Variants in SCLT1 observed in about 807,000 individuals in gnomAD.
The protein encoded by SCLT1 is sodium channel and clathrin linker 1.
Under a neutral mutation model 112.8 loss-of-function variants are expected in SCLT1, and 78 were observed. That is an observed-to-expected ratio of 0.69 (90% CI 0.58 to 0.83). SCLT1 has a LOEUF of 0.83. Ranked by LOEUF, SCLT1 falls within the 40% of genes least tolerant of loss-of-function variation. SCLT1 has a pLI of 0.00. For missense variants in SCLT1, 747 were observed against 770.4 expected, an observed-to-expected ratio of 0.97 and a Z score of 0.36; for synonymous variants, 257 against 254.7, an observed-to-expected ratio of 1.01 and a Z score of -0.09.
chr4:129,060,747 C>A (rs908209171), intron 2 of SCLT1, among the ~76,000 whole-genome samples: 1 of 152,114 alleles, frequency 6.6e-6, no homozygotes, highest in East Asian at 1.9e-4. Context: ...TCAAGAGGAT[C>A]CCTGTTGTTC....
rs1430499256 is a variant in SCLT1, at chr4:128,992,271, A to C, written c.616-34T>G. ...AGAAAAAAAAAGAATCAGTATTAGAATATTTAATAACTGTATCTTTAAAGA... is the reference window on the plus strand; with the variant it reads ...AGAAAAAAAAAGAATCAGTATTAGACTATTTAATAACTGTATCTTTAAAGA... On this transcript the variant is annotated intron_variant, in intron 8 of 20. Transcript: ENST00000281142. The C allele has an allele frequency of 3.0e-6, 4 of 1,329,614 alleles. No homozygotes were observed. The Admixed American group carries it at 5.8e-5, about 19-fold the overall frequency. The allele number at this position is 1,329,614 out of a possible 1,614,324, so 82.4% of individuals were successfully genotyped here. A position where few individuals can be genotyped will look rare whatever the true frequency, so the allele number is the denominator to read the frequency against.
At chr4:128,941,906 T>TC (rs1216318682) in intron 17 of SCLT1, among the ~76,000 whole-genome samples, 1 of 152,038 alleles carries the variant, frequency 6.6e-6, no homozygotes, top group Non-Finnish European at 1.5e-5. Context: ...AAGCCAGTTT[T>TC]CCCCCCACTG....
intron 18 of SCLT1, among the ~76,000 whole-genome samples, chr4:128,906,440 C>T (rs920124571): frequency 4.6e-5 from 7 of 152,010 alleles, no homozygotes; most frequent in African/African-American, 1.2e-4. Flanking sequence ...CCTCGTGATC[C>T]GCCCGCTTCG....
rs116544533 is a variant in SCLT1, at chr4:129,083,275, C to T, written c.35-902G>A. Among the ~76,000 whole-genome samples, 743 of 146,526 alleles carry T rather than the reference C, an allele frequency of 5.1e-3. 6 individuals carry two copies. Among genetic ancestry groups the T allele is most frequent in the African/African-American group, 0.017 (700 of 40,014 alleles). On this transcript the variant is annotated intron_variant, in intron 1 of 20. Coordinates refer to ENST00000281142, the MANE Select transcript of SCLT1 (RefSeq NM_144643.4). ...CTTTTATTTACATCAAGAAAAGTAA[C>T]ATACATACAACATAGTACCCAACAA...
rs942601049 is a variant in SCLT1, at chr4:128,911,159, G to A, written c.1830-20022C>T. 9.9e-5 allele frequency among the ~76,000 whole-genome samples: 15 copies of A among 152,082 alleles called. No homozygotes were observed. In the South Asian group the frequency reaches 1.2e-3, roughly 13 times the overall value. ...CAGGAGCCTGTAATCCCAGCTACTC[G>A]GGAGGCTAAGGCAGGAGAATCGCTT... On this transcript the variant is annotated intron_variant, in intron 18 of 20. Transcript: ENST00000281142.
At chr4:128,958,302 C>A (rs1739380714) in intron 12 of SCLT1, among the ~76,000 whole-genome samples, 1 of 152,082 alleles carries the variant, frequency 6.6e-6, no homozygotes, top group Non-Finnish European at 1.5e-5. Flanking sequence ...TATGTAATAA[C>A]CTTGAGGGGG....
chr4:129,060,064 C>T (rs1749815271), intron 2 of SCLT1, among the ~76,000 whole-genome samples: 2 of 152,096 alleles, frequency 1.3e-5, no homozygotes, highest in South Asian at 4.1e-4. Flanking sequence ...ATATTTCAAA[C>T]AACCCGTCTT....
chr4:129,043,568 T>C (rs1579821665), intron 3 of SCLT1, 101 bp from the exon 4 acceptor site: 1 of 592,692 alleles, frequency 1.7e-6, no homozygotes, highest in East Asian at 3.1e-5. Flanking sequence ...ATGTTTAGTT[T>C]ACTCATGCAA....
chr4:129,055,490 C>T (rs1293823313), intron 2 of SCLT1, among the ~76,000 whole-genome samples: 1 of 152,168 alleles, frequency 6.6e-6, no homozygotes, highest in Non-Finnish European at 1.5e-5. Context: ...GAACATGAAT[C>T]TAGAGAGGCA....
chr4:129,024,269 C>T (rs1745793939), intron 5 of SCLT1, among the ~76,000 whole-genome samples: 3 of 152,202 alleles, frequency 2.0e-5, no homozygotes, highest in Non-Finnish European at 4.4e-5. Flanking sequence ...GACCCCTGAC[C>T]CCTGAGCAGC....
At chr4:129,061,514 G>A (rs1749973959) in intron 2 of SCLT1, among the ~76,000 whole-genome samples, 1 of 152,164 alleles carries the variant, frequency 6.6e-6, no homozygotes, top group Non-Finnish European at 1.5e-5. Flanking sequence ...GGGACAATGA[G>A]CATTCTGAGT....
intron 5 of SCLT1, among the ~76,000 whole-genome samples, chr4:129,008,505 C>G (rs186297487): frequency 2.3e-4 from 35 of 152,252 alleles, no homozygotes; most frequent in East Asian, 2.1e-3. Flanking sequence ...TTTCTTTAAT[C>G]CACAGATCTT....
chr4:128,898,936 A>C (rs1462751855), intron 18 of SCLT1, among the ~76,000 whole-genome samples: 1 of 152,240 alleles, frequency 6.6e-6, no homozygotes, highest in Non-Finnish European at 1.5e-5. Flanking sequence ...GAAATGGATA[A>C]ATTCCTTGAC....
intron 17 of SCLT1, among the ~76,000 whole-genome samples, chr4:128,937,054 A>G (rs1429314829): frequency 1.3e-5 from 2 of 152,128 alleles, no homozygotes; most frequent in East Asian, 3.9e-4. Context: ...CAAGGTGGGC[A>G]GATCACGAGG....
intron 5 of SCLT1, among the ~76,000 whole-genome samples, chr4:129,029,939 C>T (rs554892672): frequency 4.3e-4 from 66 of 152,212 alleles, no homozygotes; most frequent in African/African-American, 1.5e-3. Flanking sequence ...AAGACTTGAA[C>T]TCAGCTCTGG....
intron 17 of SCLT1, among the ~76,000 whole-genome samples, chr4:128,940,111 A>AGACG (rs1278179271): frequency 6.6e-6 from 1 of 152,170 alleles, no homozygotes; most frequent in Non-Finnish European, 1.5e-5. Context: ...GAAATGTTAA[A>AGACG]GACGGATCTA....
chr4:129,012,786 CTT>C (rs33941543), intron 5 of SCLT1, among the ~76,000 whole-genome samples: 1 of 145,812 alleles, frequency 6.9e-6, no homozygotes. Context: ...AATGCCATTT[CTT>C]TTTTTTTTTT....
chr4:129,053,249 T>C (rs1011760153), intron 2 of SCLT1, among the ~76,000 whole-genome samples: 3 of 152,208 alleles, frequency 2.0e-5, no homozygotes, highest in African/African-American at 4.8e-5. Context: ...TAGGTCTCCA[T>C]GGTCCAGAGC....
chr4:128,971,640 G>T (rs1459629873), intron 9 of SCLT1: 1 of 152,136 alleles, frequency 6.6e-6, no homozygotes, highest in African/African-American at 2.4e-5. Context: ...CCCTATGACA[G>T]ACTGCCTACC....
Sources: gnomAD v4.1 joint callset for allele counts (sites outside exome capture counted in the v4.1 genomes callset) on GRCh38, gnomAD v4.1.1 for gene constraint, MANE v1.5 for transcripts, NCBI Gene and HGNC (gene_info 2026-07-23, HGNC 2026-07-21) for gene names.